Variants in MSRA observed in about 807,000 individuals in gnomAD.
The protein encoded by MSRA is methionine sulfoxide reductase A, also known as mitochondrial peptide methionine sulfoxide reductase.
A neutral mutation model predicts 31.3 loss-of-function variants in MSRA; 54 were observed. The ratio of observed to expected loss-of-function variants is 1.73; its 90% confidence interval spans 1.39 to 2.17. The LOEUF is 2.17. MSRA is among the 30% of genes most tolerant of loss of function. The pLI, the probability that MSRA is intolerant of heterozygous loss-of-function variation, is 0.00. For missense variants in MSRA, 507 were observed against 300.9 expected (o/e 1.69, Z -5.07); for synonymous variants, 169 against 116.5 (o/e 1.45, Z -2.90).
intron 1 of MSRA, among the ~76,000 whole-genome samples, chr8:10,190,881 C>G (rs1321361527): frequency 3.3e-5 from 5 of 152,074 alleles, no homozygotes; most frequent in South Asian, 4.1e-4. Context: ...AGGGACTTAA[C>G]TAAAATCTAA....
At chr8:10,369,787 T>C (rs1440580523) in intron 5 of MSRA, among the ~76,000 whole-genome samples, 3 of 152,236 alleles carry the variant, frequency 2.0e-5, no homozygotes, top group Non-Finnish European at 4.4e-5. Flanking sequence ...AAAAATACTC[T>C]TTAAAAACAG....
At chr8:10,377,330 G>A (rs1290074626) in intron 5 of MSRA, among the ~76,000 whole-genome samples, 1 of 152,248 alleles carries the variant, frequency 6.6e-6, no homozygotes, top group Non-Finnish European at 1.5e-5. Context: ...GCATCTACGT[G>A]GGACTTCTGA....
chr8:10,284,564 T>C (rs976770096), intron 3 of MSRA, among the ~76,000 whole-genome samples: 2 of 152,216 alleles, frequency 1.3e-5, no homozygotes, highest in African/African-American at 2.4e-5. Context: ...ATGTACGTTA[T>C]TGTGCCAAAC....
intron 3 of MSRA, among the ~76,000 whole-genome samples, chr8:10,277,846 G>A (rs201096855): frequency 2.0e-5 from 3 of 151,938 alleles, no homozygotes. Flanking sequence ...ATACATATTT[G>A]AAAGTTCATG....
Position 10,134,794 on chromosome 8 carries a change from T to A in MSRA, c.143-73039T>A, listed in dbSNP as rs570586184. ...CAAACGCTTGGTTGAAGTATATCTT[T>A]AAGTCTTTGATTAAACATGCCGTTG... On this transcript the variant is annotated intron_variant, in intron 1 of 5. Transcript: ENST00000317173. Among the ~76,000 whole-genome samples the A allele has an allele frequency of 2.2e-4, 33 of 152,368 alleles. 1 individual carries two copies. Among genetic ancestry groups the A allele is most frequent in the African/African-American group, 7.9e-4 (33 of 41,590 alleles).
intron 3 of MSRA, among the ~76,000 whole-genome samples, chr8:10,282,881 G>A (rs1189391168): frequency 1.3e-5 from 2 of 152,074 alleles, no homozygotes; most frequent in South Asian, 2.1e-4. Flanking sequence ...TCTATATACT[G>A]TGTTGAGGAA....
intron 1 of MSRA, among the ~76,000 whole-genome samples, chr8:10,147,838 A>G (rs1456311879): frequency 6.6e-6 from 1 of 152,212 alleles, no homozygotes; most frequent in Non-Finnish European, 1.5e-5. Flanking sequence ...CTGTCACTCC[A>G]GCGAGTTCAC....
At chr8:10,262,358 G>A (rs975402054) in intron 3 of MSRA, among the ~76,000 whole-genome samples, 7 of 152,196 alleles carry the variant, frequency 4.6e-5, no homozygotes, top group African/African-American at 1.7e-4. Context: ...GGGAGTTCCT[G>A]TTACTTTACA....
intron 1 of MSRA, among the ~76,000 whole-genome samples, chr8:10,163,422 G>A (rs920675434): frequency 3.3e-5 from 5 of 152,132 alleles, no homozygotes; most frequent in African/African-American, 9.7e-5. Context: ...GTGGACTGGC[G>A]CACCCACTGT....
intron 5 of MSRA, among the ~76,000 whole-genome samples, chr8:10,402,498 T>C (rs779732301): frequency 3.9e-5 from 6 of 152,232 alleles, no homozygotes; most frequent in Non-Finnish European, 7.3e-5. Flanking sequence ...TTGTGCATGA[T>C]CATTCCAATG....
At chr8:10,418,959 A>AAAAAC (rs1212174346) in intron 5 of MSRA, among the ~76,000 whole-genome samples, 1 of 151,976 alleles carries the variant, frequency 6.6e-6, no homozygotes, top group African/African-American at 2.4e-5. Flanking sequence ...CCCTGTCTCC[A>AAAAAC]AAAACAAAAC....
At position 10,410,723 on chromosome 8, in the gene MSRA, G is replaced by C. The variant is rs866737352; in HGVS notation, c.544-17425G>C. On this transcript the variant is annotated intron_variant, in intron 5 of 5. Transcript: ENST00000317173. ...AGAACTCCTGGAGATATTTTAAGGAGTGTTTGATACTTAGAGATGCACAGT... is the reference window on the plus strand; with the variant it reads ...AGAACTCCTGGAGATATTTTAAGGACTGTTTGATACTTAGAGATGCACAGT... Among the ~76,000 whole-genome samples, 6 of 152,300 alleles carry C rather than the reference G, an allele frequency of 3.9e-5. No homozygotes were observed. The South Asian group carries it at 8.3e-4, about 21-fold the overall frequency.
intron 1 of MSRA, among the ~76,000 whole-genome samples, chr8:10,182,995 G>T (rs1806678807): frequency 6.6e-6 from 1 of 152,154 alleles, no homozygotes; most frequent in Non-Finnish European, 1.5e-5. Flanking sequence ...TGTAGACCAA[G>T]TCTTTAAAAT....
At chr8:10,054,950 C>G (rs1274354384) in intron 1 of MSRA, among the ~76,000 whole-genome samples, 1 of 152,200 alleles carries the variant, frequency 6.6e-6, no homozygotes, top group African/African-American at 2.4e-5. Flanking sequence ...GTCGCGGCCC[C>G]AAGTTTTGGG....
At chr8:10,122,482 A>G (rs2062331) in intron 1 of MSRA, among the ~76,000 whole-genome samples, 77,758 of 151,928 alleles carry the variant, frequency 0.51, 20,862 homozygotes, top group East Asian at 0.95. Flanking sequence ...TTAGGAATGT[A>G]AGTGGATCCA....
At chr8:10,180,202 T>G (rs1216728878) in intron 1 of MSRA, among the ~76,000 whole-genome samples, 1 of 152,198 alleles carries the variant, frequency 6.6e-6, no homozygotes, top group Admixed American at 6.5e-5. Flanking sequence ...TTTGATAATT[T>G]GCTGGAATGG....
At chr8:10,150,698 T>C (rs1390156737) in intron 1 of MSRA, among the ~76,000 whole-genome samples, 1 of 152,160 alleles carries the variant, frequency 6.6e-6, no homozygotes, top group Non-Finnish European at 1.5e-5. Flanking sequence ...TTGACTTATA[T>C]GAAAACAGCC....
chr8:10,269,799 G>A (rs1358019618), intron 3 of MSRA, among the ~76,000 whole-genome samples: 1 of 152,188 alleles, frequency 6.6e-6, no homozygotes, highest in African/African-American at 2.4e-5. Flanking sequence ...CCACATGTGA[G>A]TGCCACCACG....
At chr8:10,295,544 G>A (rs1404483926) in intron 3 of MSRA, among the ~76,000 whole-genome samples, 5 of 152,160 alleles carry the variant, frequency 3.3e-5, no homozygotes, top group African/African-American at 1.2e-4. Context: ...TGGTTCTGAC[G>A]GCTCTGCTCG....
Sources: allele counts gnomAD v4.1 joint callset (sites outside exome capture counted in the v4.1 genomes callset), GRCh38; gene constraint gnomAD v4.1.1; transcripts MANE v1.5; gene names NCBI Gene and HGNC (gene_info 2026-07-23, HGNC 2026-07-21).